The following NPY2R variants were observed in gnomAD, a reference collection of about 807,000 sequenced individuals.
NPY2R encodes neuropeptide Y receptor Y2, also known as neuropeptide Y receptor type 2.
A neutral mutation model predicts 22.3 loss-of-function variants in NPY2R; 17 were observed. That is an observed-to-expected ratio of 0.76 (90% CI 0.52 to 1.14). The LOEUF is 1.14. Among genes scored for constraint, NPY2R ranks in the 50% most tolerant of loss-of-function variants. The probability of loss-of-function intolerance (pLI) is 0.00; values close to 1 mark genes in which losing one functional copy is unlikely to be tolerated. For missense variants in NPY2R, 424 were observed against 467.9 expected (o/e 0.91, Z 0.87); for synonymous variants, 209 against 183.4 (o/e 1.14, Z -1.13).
At chr4:155,203,013 G>A in the NPY2R span, among the ~76,000 whole-genome samples, 2 of 152,030 alleles carry the variant, frequency 1.3e-5, no homozygotes, top group Admixed American at 6.6e-5. Context: ...TGAATCATTT[G>A]CATTTAAATA....
the NPY2R span, among the ~76,000 whole-genome samples, chr4:155,177,563 T>A: frequency 6.6e-6 from 1 of 152,156 alleles, no homozygotes; most frequent in African/African-American, 2.4e-5. Flanking sequence ...TGGTGCTGCA[T>A]GCTGGTGGCT....
the NPY2R span, among the ~76,000 whole-genome samples, chr4:155,193,730 A>G: frequency 6.6e-6 from 1 of 151,946 alleles, no homozygotes; most frequent in African/African-American, 2.4e-5. Context: ...AATATTTGGA[A>G]CACTCACTAT....
chr4:155,214,368 A>G lies in NPY2R; in HGVS notation c.429A>G (p.Val143=). The change falls in exon 2 of 2, where the codon GTA becomes GTG. Residue 143 remains valine (V), a synonymous_variant. Transcript: ENST00000329476. The part of the protein sequence containing the change: ...AVQVSTITLT[V]IALDRHRCIV... ...AAGTATCCACAATCACCTTGACAGTAATTGCCCTGGACCGGCACAGGTGCA... is the reference window on the plus strand; with the variant it reads ...AAGTATCCACAATCACCTTGACAGTGATTGCCCTGGACCGGCACAGGTGCA... 6.2e-7 allele frequency: 1 copy of G among 1,614,152 alleles called. No individual in the cohort carries two copies. Among genetic ancestry groups the G allele is most frequent in the Non-Finnish European group, 8.5e-7 (1 of 1,180,018 alleles).
the NPY2R span, among the ~76,000 whole-genome samples, chr4:155,184,527 C>A: frequency 6.6e-6 from 1 of 152,122 alleles, no homozygotes; most frequent in Non-Finnish European, 1.5e-5. Context: ...GGGTGGATTT[C>A]TCTGTCCTAG....
upstream of NPY2R, among the ~76,000 whole-genome samples, chr4:155,205,202 A>G (rs888812668): frequency 2.6e-5 from 4 of 152,184 alleles, no homozygotes; most frequent in African/African-American, 9.7e-5. Flanking sequence ...ACATATGTCT[A>G]GTGGCTACTG....
In NPY2R at chr4:155,214,776, C is replaced by A; in HGVS notation, c.837C>A (p.Val279=). The change falls in exon 2 of 2, where the codon GTC becomes GTA. Residue 279 remains valine (V), a synonymous_variant. Transcript: ENST00000329476. ...MLVCVVVVFA[V]SWLPLHAFQL... ...TGTGTGTGGTGGTGGTGTTTGCGGT[C>A]AGCTGGCTGCCTCTCCATGCCTTCC... The A allele has an allele frequency of 6.2e-7, 1 of 1,613,924 alleles. No individual in the cohort carries two copies. Among genetic ancestry groups the A allele is most frequent in the South Asian group, 1.1e-5 (1 of 91,044 alleles).
chr4:155,195,126 A>G, the NPY2R span, among the ~76,000 whole-genome samples: 1 of 152,022 alleles, frequency 6.6e-6, no homozygotes, highest in Non-Finnish European at 1.5e-5. Flanking sequence ...AGTGTAAACT[A>G]AATGTATTTT....
At chr4:155,177,079 G>A in the NPY2R span, among the ~76,000 whole-genome samples, 1 of 152,078 alleles carries the variant, frequency 6.6e-6, no homozygotes, top group Non-Finnish European at 1.5e-5. Flanking sequence ...TTCTGACACT[G>A]GCCCCCCAAA....
intron 1 of NPY2R, 58 bp from the exon 2 acceptor site, chr4:155,213,834 C>T (rs547504413): frequency 1.0e-6 from 1 of 958,262 alleles, no homozygotes; most frequent in East Asian, 2.4e-5. Context: ...TTTGTGTTTT[C>T]CTCGTTCCAT....
upstream of NPY2R, among the ~76,000 whole-genome samples, chr4:155,204,919 A>G (rs1307820931): frequency 1.3e-5 from 2 of 151,672 alleles, no homozygotes; most frequent in East Asian, 1.9e-4. Flanking sequence ...ATATGCCAAA[A>G]TCCTTGCATA....
At chr4:155,183,604 A>T in the NPY2R span, among the ~76,000 whole-genome samples, 1 of 152,162 alleles carries the variant, frequency 6.6e-6, no homozygotes, top group Admixed American at 6.5e-5. Flanking sequence ...TTTTAAAAGG[A>T]TTAGAGAAAT....
At chr4:155,197,993 T>C in the NPY2R span, among the ~76,000 whole-genome samples, 1 of 152,080 alleles carries the variant, frequency 6.6e-6, no homozygotes, top group African/African-American at 2.4e-5. Context: ...TTCCACATGA[T>C]AATTTCTTTG....
At chr4:155,176,883 A>G in the NPY2R span, among the ~76,000 whole-genome samples, 7,382 of 152,178 alleles carry the variant, frequency 0.049, 584 homozygotes, top group African/African-American at 0.16. Context: ...GGCAGAAGGG[A>G]CAAAGCGGGA....
the NPY2R span, among the ~76,000 whole-genome samples, chr4:155,176,992 C>G: frequency 2.6e-5 from 4 of 152,116 alleles, no homozygotes; most frequent in Non-Finnish European, 1.5e-5. Flanking sequence ...CTAGAAGGCC[C>G]CACTTCTTAA....
the NPY2R span, among the ~76,000 whole-genome samples, chr4:155,185,291 G>A: frequency 2.6e-5 from 4 of 152,052 alleles, no homozygotes; most frequent in East Asian, 7.7e-4. Context: ...GCCTGCCTCA[G>A]CCTCCCAAAG....
At chr4:155,187,678 C>T in the NPY2R span, among the ~76,000 whole-genome samples, 1 of 152,044 alleles carries the variant, frequency 6.6e-6, no homozygotes, top group African/African-American at 2.4e-5. Flanking sequence ...ATAAAATAAA[C>T]ACATGGTTCA....
At chr4:155,211,917 GGAA>G (rs1729412326) in intron 1 of NPY2R, among the ~76,000 whole-genome samples, 1 of 152,180 alleles carries the variant, frequency 6.6e-6, no homozygotes, top group African/African-American at 2.4e-5. Flanking sequence ...CAGAGAGGGA[GGAA>G]GAAGAATATA....
At chr4:155,185,377 T>C in the NPY2R span, among the ~76,000 whole-genome samples, 2 of 152,116 alleles carry the variant, frequency 1.3e-5, no homozygotes, top group Non-Finnish European at 2.9e-5. Flanking sequence ...ATATTTCCTC[T>C]AAACATAAAG....
the NPY2R span, among the ~76,000 whole-genome samples, chr4:155,178,589 G>A: frequency 1.3e-5 from 2 of 152,130 alleles, no homozygotes; most frequent in Non-Finnish European, 2.9e-5. Context: ...GAGAGAAGAG[G>A]TTGAAATAGG....
Sources: gnomAD v4.1 joint callset for allele counts (sites outside exome capture counted in the v4.1 genomes callset) on GRCh38, gnomAD v4.1.1 for gene constraint, MANE v1.5 for transcripts, NCBI Gene and HGNC (gene_info 2026-07-23, HGNC 2026-07-21) for gene names.